TLR9: variants seen among roughly 807,000 people sequenced by gnomAD.
The protein encoded by TLR9 is toll like receptor 9.
Under a neutral mutation model 24.6 loss-of-function variants are expected in TLR9, and 19 were observed. That is an observed-to-expected ratio of 0.77 (90% CI 0.54 to 1.13). The LOEUF (loss-of-function observed/expected upper bound fraction) is 1.13. Among genes scored for constraint, TLR9 ranks in the 50% most tolerant of loss-of-function variants. The pLI is 0.00. For synonymous variants in TLR9, 579 were observed against 609.8 expected (o/e 0.95, Z 0.74); for missense variants, 1,065 against 1,379.6 (o/e 0.77, Z 3.61).
chr3:52,223,443 C>A lies in TLR9; in HGVS notation c.873G>T (p.Leu291Phe). 1 of 1,598,588 alleles carries A rather than the reference C, an allele frequency of 6.3e-7. No individual in the cohort carries two copies. The highest frequency in any genetic ancestry group is 8.5e-7 in the Non-Finnish European group (1 of 1,171,422). Residue 291 changes from leucine to phenylalanine, a missense_variant, in exon 2 of 2, where the codon TTG becomes TTT. Physicochemically the swap from Leu to Phe is conservative, Grantham distance 22. Coordinates refer to ENST00000360658, the MANE Select transcript of TLR9 (RefSeq NM_017442.4). The part of the protein sequence containing the change: ...SHLSRLEGLV[L>F]KDSSLSWLNA... ...TCAGCCAGGAGAGAGAACTGTCCTTCAACACCAGGCCTTCAAGACGGCTCA... is the reference window on the plus strand; with the variant it reads ...TCAGCCAGGAGAGAGAACTGTCCTTAAACACCAGGCCTTCAAGACGGCTCA...
Position 52,223,652 on chromosome 3 carries a change from G to A in TLR9, c.664C>T (p.Leu222=). ...TTGTAGGACAACAGCAGATACTCCA[G>A]GCTGGAAGGCAGGTTGCGGGGCACC... ...TVVPRNLPSS[L]EYLLLSYNRI... The change falls in exon 2 of 2, where the codon CTG becomes TTG. Residue 222 remains leucine, a synonymous_variant. Transcript: ENST00000360658. 1 of 1,589,896 alleles carries A rather than the reference G, an allele frequency of 6.3e-7. No homozygotes were observed. Among genetic ancestry groups the A allele is most frequent in the South Asian group, 1.1e-5 (1 of 87,316 alleles).
rs55979550 is a variant in TLR9, at chr3:52,224,143, A to C, written c.173T>G (p.Met58Arg). ...LFLKSVPHFS[M>R]AAPRGNVTSL... ...GGTGACATTGCCACGGGGTGCTGCC[A>C]TGGAGAAGTGGGGCACAGACTTCAG... is the stretch of plus-strand genomic sequence containing the variant. The change falls in exon 2 of 2, where the codon ATG becomes AGG. Residue 58 changes from methionine to arginine, a missense_variant. By Grantham distance (91) the Met-to-Arg change is moderately conservative. Transcript: ENST00000360658. 2.5e-6 allele frequency: 4 copies of C among 1,587,688 alleles called. No homozygotes were observed. In the East Asian group the frequency reaches 9.0e-5, roughly 36 times the overall value.
chr3:52,225,388 T>A, intron 1 of TLR9, 139 bp downstream of exon 1: 1 of 1,017,218 alleles, frequency 9.8e-7, no homozygotes, highest in East Asian at 2.8e-5. Flanking sequence ...GGCTCTGAAG[T>A]CTTCAGGATT....
chr3:52,222,951 C>G lies in TLR9; in HGVS notation c.1365G>C (p.Pro455=). 1 of 1,597,598 alleles carries G rather than the reference C, an allele frequency of 6.3e-7. No homozygotes were observed. The highest frequency in any genetic ancestry group is 8.6e-7 in the Non-Finnish European group (1 of 1,169,178). Residue 455 remains proline, a synonymous_variant, in exon 2 of 2, where the codon CCG becomes CCC. Coordinates refer to ENST00000360658, the MANE Select transcript of TLR9 (RefSeq NM_017442.4). The part of the protein sequence containing the change: ...KVWLQPGDLA[P]APVDTPSSED... Reference sequence around the variant, plus strand: ...CAGAGCTGGGAGTGTCCACTGGGGCCGGAGCAAGGTCCCCAGGCTGCAGCC... The same window carrying G: ...CAGAGCTGGGAGTGTCCACTGGGGCGGGAGCAAGGTCCCCAGGCTGCAGCC...
chr3:52,221,522 T>C lies in TLR9; in HGVS notation c.2794A>G (p.Lys932Glu). The change falls in exon 2 of 2, where the codon AAG becomes GAG. Residue 932 changes from lysine (K) to glutamate (E), a missense_variant. Lys to Glu is a moderately conservative substitution (Grantham distance 56). Coordinates refer to ENST00000360658, the MANE Select transcript of TLR9 (RefSeq NM_017442.4). This position sits in a 1 kb window ranked among gnomAD's most constrained non-coding sequence, Gnocchi z 9.9. ...NLWASVYGSRKTLFVLAHTDR... is the reference protein window; with the variant it reads ...NLWASVYGSRETLFVLAHTDR... ...GTGTGGGCCAGCACAAACAGCGTCT[T>C]GCGGCTGCCATAGACCGAGGCCCAC... 6.2e-7 allele frequency: 1 copy of C among 1,612,836 alleles called. No homozygotes were observed. Among genetic ancestry groups the C allele is most frequent in the Non-Finnish European group, 8.5e-7 (1 of 1,179,802 alleles).
Position 52,223,223 on chromosome 3 carries a change from C to A in TLR9, c.1093G>T (p.Ala365Ser), listed in dbSNP as rs373946909. ...SLAPSFGSLV[A>S]LKELDMHGIF... Reference sequence around the variant, plus strand: ...CCGTGCATGTCCAGCTCCTTCAGGGCGACCAGGCTCCCGAAGGAAGGGGCC... The same window carrying A: ...CCGTGCATGTCCAGCTCCTTCAGGGAGACCAGGCTCCCGAAGGAAGGGGCC... The change falls in exon 2 of 2, where the codon GCC becomes TCC. Residue 365 changes from alanine to serine, a missense_variant. Physicochemically the swap from Ala to Ser is moderately conservative, Grantham distance 99. Transcript: ENST00000360658. The A allele has an allele frequency of 1.9e-6, 3 of 1,613,844 alleles. No individual in the cohort carries two copies. The highest frequency in any genetic ancestry group is 2.5e-6 in the Non-Finnish European group (3 of 1,179,864).
intron 1 of TLR9, 144 bp from the exon 2 acceptor site, chr3:52,224,456 C>G: frequency 1.5e-6 from 1 of 676,000 alleles, no homozygotes; most frequent in Non-Finnish European, 2.5e-6. Flanking sequence ...AAGCCCCATT[C>G]CCATCCCCCA....
In TLR9 at chr3:52,221,648, CGTT is replaced by C; in HGVS notation, c.2665_2667del (p.Asn889del). 6.2e-7 allele frequency: 1 copy of C among 1,613,956 alleles called. No homozygotes were observed. The highest frequency in any genetic ancestry group is 1.3e-5 in the African/African-American group (1 of 75,064). On this transcript the variant is annotated inframe_deletion, in exon 2 of 2. Coordinates refer to ENST00000360658, the MANE Select transcript of TLR9 (RefSeq NM_017442.4). The surrounding 1 kb of genome is among the most constrained non-coding windows in gnomAD (Gnocchi z 9.9). ...CACTCCTCCAGCTGCCCCCGAAGCT[CGTT>C]GTACACCCAGTCTGCCACTGCGCTC... is the stretch of plus-strand genomic sequence containing the variant.
chr3:52,222,492 A>C lies in TLR9; in HGVS notation c.1824T>G (p.Asn608Lys). 1 of 1,614,220 alleles carries C rather than the reference A, an allele frequency of 6.2e-7. No homozygotes were observed. The highest frequency in any genetic ancestry group is 8.5e-7 in the Non-Finnish European group (1 of 1,180,038). ...TSLRALDFSG[N>K]ALGHMWAEGD... ...CCTCGGCCCACATATGGCCCAGTGC[A>C]TTGCCGCTGAAGTCCAGGGCCCGCA... The change falls in exon 2 of 2, where the codon AAT becomes AAG. Residue 608 changes from asparagine to lysine, a missense_variant. Asn to Lys is a moderately conservative substitution (Grantham distance 94). Transcript: ENST00000360658.
chr3:52,225,391 T>C, intron 1 of TLR9, 136 bp downstream of exon 1: 1 of 1,104,650 alleles, frequency 9.1e-7, no homozygotes, highest in Non-Finnish European at 1.3e-6. Flanking sequence ...TCTGAAGTCT[T>C]CAGGATTCAG....
Position 52,221,615 on chromosome 3 carries a change from G to T in TLR9, c.2701C>A (p.Arg901Ser), listed in dbSNP as rs751129636. Residue 901 changes from arginine (R) to serine (S), a missense_variant, in exon 2 of 2, where the codon CGC becomes AGC. By Grantham distance (110) the Arg-to-Ser change is moderately radical. Transcript: ENST00000360658. This position sits in a 1 kb window ranked among gnomAD's most constrained non-coding sequence, Gnocchi z 9.9. ...LRGQLEECRG[R>S]WALRLCLEER... ...TCCAGGCACAGGCGGAGTGCCCAGCGCCCACGGCACTCCTCCAGCTGCCCC... is the reference window on the plus strand; with the variant it reads ...TCCAGGCACAGGCGGAGTGCCCAGCTCCCACGGCACTCCTCCAGCTGCCCC... The T allele has an allele frequency of 3.1e-6, 5 of 1,613,546 alleles. No individual in the cohort carries two copies. Among genetic ancestry groups the T allele is most frequent in the Non-Finnish European group, 4.2e-6 (5 of 1,179,994 alleles).
rs1204705300 is a variant in TLR9 at position 52,225,555 on chromosome 3, G to A, written c.-26C>T. The A allele has an allele frequency of 6.3e-7, 1 of 1,577,276 alleles. No homozygotes were observed. The highest frequency in any genetic ancestry group is 8.6e-7 in the Non-Finnish European group (1 of 1,167,116). On this transcript the variant is annotated 5_prime_UTR_variant, in exon 1 of 2. Transcript: ENST00000360658. Reference sequence around the variant, plus strand: ...GCTGGGGGGCAGGGGCTTCTCCAGAGGGTCTGGCGGGCAGACTGGACAGCA... The same window carrying A: ...GCTGGGGGGCAGGGGCTTCTCCAGAAGGTCTGGCGGGCAGACTGGACAGCA...
rs765565816 is a variant in TLR9 at position 52,222,241 on chromosome 3, A to G, written c.2075T>C (p.Leu692Pro). Reference sequence around the variant, plus strand: ...GCCAGCAGGCAGGCTGCCATTGGTCAGGGCCTTCAGCTGGTTTCCTGCCAG... The same window carrying G: ...GCCAGCAGGCAGGCTGCCATTGGTCGGGGCCTTCAGCTGGTTTCCTGCCAG... ...LDLAGNQLKA[L>P]TNGSLPAGTR... The change falls in exon 2 of 2, where the codon CTG becomes CCG. Residue 692 changes from leucine to proline, a missense_variant. By Grantham distance (98) the Leu-to-Pro change is moderately conservative (BLOSUM62 -3). Transcript: ENST00000360658. 22 of 1,614,050 alleles carry G rather than the reference A, an allele frequency of 1.4e-5. No homozygotes were observed. Among genetic ancestry groups the G allele is most frequent in the Middle Eastern group, 1.6e-4 (1 of 6,070 alleles).
Position 52,223,224 on chromosome 3 carries a change from G to A in TLR9, c.1092C>T (p.Val364=), listed in dbSNP as rs138527358. ...LSLAPSFGSL[V]ALKELDMHGI... is the part of the protein sequence containing the mutation. ...CGTGCATGTCCAGCTCCTTCAGGGCGACCAGGCTCCCGAAGGAAGGGGCCA... is the reference window on the plus strand; with the variant it reads ...CGTGCATGTCCAGCTCCTTCAGGGCAACCAGGCTCCCGAAGGAAGGGGCCA... The change falls in exon 2 of 2, where the codon GTC becomes GTT. Residue 364 remains valine, a synonymous_variant. Transcript: ENST00000360658. 1.7e-4 allele frequency: 272 copies of A among 1,613,984 alleles called. 1 individual carries two copies. The highest frequency in any genetic ancestry group is 1.2e-3 in the African/African-American group (92 of 75,062).
In TLR9 at chr3:52,223,609, G is replaced by A. The variant is rs201482702; in HGVS notation, c.707C>T (p.Ala236Val). 28 of 1,546,612 alleles carry A rather than the reference G, an allele frequency of 1.8e-5. No individual in the cohort carries two copies. The highest frequency in any genetic ancestry group is 1.8e-4 in the African/African-American group (13 of 72,838). The change falls in exon 2 of 2, where the codon GCG becomes GTG. Residue 236 changes from alanine (A) to valine (V), a missense_variant. Ala to Val is a moderately conservative substitution (Grantham distance 64, BLOSUM62 0). Transcript: ENST00000360658. ...LLSYNRIVKLAPEDLANLTAL... is the reference protein window; with the variant it reads ...LLSYNRIVKLVPEDLANLTAL... ...GGTCAGATTGGCCAGGTCCTCAGGCGCCAGTTTGACGATGCGGTTGTAGGA... is the reference window on the plus strand; with the variant it reads ...GGTCAGATTGGCCAGGTCCTCAGGCACCAGTTTGACGATGCGGTTGTAGGA...
rs780551078 is a variant in TLR9, at chr3:52,221,957, G to A, written c.2359C>T (p.Arg787Trp). The change falls in exon 2 of 2, where the codon CGG becomes TGG. Residue 787 changes from arginine (R) to tryptophan (W), a missense_variant. Physicochemically the swap from Arg to Trp is moderately radical, Grantham distance 101. Coordinates refer to ENST00000360658, the MANE Select transcript of TLR9 (RefSeq NM_017442.4). The surrounding 1 kb of genome is among the most constrained non-coding windows in gnomAD (Gnocchi z 9.9). ...VQAAVPGLPS[R>W]VKCGSPGQLQ... ...TGGCCCGGACTGCCACACTTCACCC[G>A]GCTGGGCAGACCGGGCACGGCAGCC... 23 of 1,610,708 alleles carry A rather than the reference G, an allele frequency of 1.4e-5. No individual in the cohort carries two copies. The highest frequency in any genetic ancestry group is 8.4e-5 in the Admixed American group (5 of 59,756).
In TLR9 at chr3:52,223,176, A is replaced by C. The variant is rs754127798; in HGVS notation, c.1140T>G (p.Asp380Glu). Residue 380 changes from aspartate to glutamate, a missense_variant, in exon 2 of 2, where the codon GAT becomes GAG. Physicochemically the swap from Asp to Glu is conservative, Grantham distance 45 (BLOSUM62 2). Coordinates refer to ENST00000360658, the MANE Select transcript of TLR9 (RefSeq NM_017442.4). The part of the protein sequence containing the change: ...DMHGIFFRSL[D>E]ETTLRPLARL... ...GGGCCAGTGGCCGGAGCGTGGTCTC[A>C]TCGAGTGAGCGGAAGAAGATGCCGT... is the stretch of plus-strand genomic sequence containing the variant. 1.2e-6 allele frequency: 2 copies of C among 1,613,760 alleles called. No homozygotes were observed. Among genetic ancestry groups the C allele is most frequent in the South Asian group, 2.2e-5 (2 of 91,004 alleles).
Position 52,221,543 on chromosome 3 carries a change from CCCACAGGT to C in TLR9, c.2765_2772del (p.Asn922SerfsTer50). 6.2e-7 allele frequency: 1 copy of C among 1,612,852 alleles called. No homozygotes were observed. Among genetic ancestry groups the C allele is most frequent in the Non-Finnish European group, 8.5e-7 (1 of 1,179,806 alleles). ...GTCTTGCGGCTGCCATAGACCGAGG[CCCACAGGT>C]TCTCAAAGAGGGTTTTGCCAGGCAG... On this transcript the variant is annotated frameshift_variant, in exon 2 of 2. Transcript: ENST00000360658. LOFTEE classifies it high-confidence loss of function. This position sits in a 1 kb window ranked among gnomAD's most constrained non-coding sequence, Gnocchi z 9.9.
rs768630458 is a variant in TLR9 at position 52,221,723 on chromosome 3, C to T, written c.2593G>A (p.Glu865Lys). The T allele has an allele frequency of 1.2e-6, 2 of 1,613,852 alleles. No homozygotes were observed. The highest frequency in any genetic ancestry group is 1.3e-5 in the African/African-American group (1 of 74,944). The change falls in exon 2 of 2, where the codon GAG becomes AAG. Residue 865 changes from glutamate to lysine, a missense_variant. Physicochemically the swap from Glu to Lys is moderately conservative, Grantham distance 56. Coordinates refer to ENST00000360658, the MANE Select transcript of TLR9 (RefSeq NM_017442.4). The surrounding 1 kb of genome is among the most constrained non-coding windows in gnomAD (Gnocchi z 9.9). Reference sequence around the variant, plus strand: ...AAGGCATCGTAGGGCAGGGCATCCTCATCTCGCCCACTTTGCCGCCCCCGC... The same window carrying T: ...AAGGCATCGTAGGGCAGGGCATCCTTATCTCGCCCACTTTGCCGCCCCCGC... ...PWRGRQSGRDEDALPYDAFVV... is the reference protein window; with the variant it reads ...PWRGRQSGRDKDALPYDAFVV...
Sources: allele counts gnomAD v4.1 joint callset, GRCh38; gene constraint gnomAD v4.1.1; non-coding constraint Gnocchi (gnomAD v3.1); transcripts MANE v1.5; gene names NCBI Gene and HGNC (gene_info 2026-07-23, HGNC 2026-07-21).